Variants in LRRC2 observed in about 807,000 individuals in gnomAD.
LRRC2 encodes leucine rich repeat containing 2.
In LRRC2, 27 loss-of-function variants were observed where a neutral mutation model predicts 40.2. The observed-to-expected ratio is 0.67, with a 90% CI of 0.49 to 0.93. The LOEUF is 0.93. Ranked by LOEUF, LRRC2 falls within the 40% of genes least tolerant of loss-of-function variation. The pLI, the probability that LRRC2 is intolerant of heterozygous loss-of-function variation, is 0.00. For missense variants in LRRC2, 402 were observed against 439.6 expected (o/e 0.91, Z 0.76); for synonymous variants, 147 against 158.9 (o/e 0.92, Z 0.56).
chr3:46,539,924 G>A (rs529678236), intron 3 of LRRC2, among the ~76,000 whole-genome samples: 1 of 152,186 alleles, frequency 6.6e-6, no homozygotes, highest in East Asian at 1.9e-4. Context: ...CATTGCAGGT[G>A]AGGGGTGCTC....
Position 46,522,332 on chromosome 3 carries a change from G to A in LRRC2, c.930-674C>T, listed in dbSNP as rs66627456. On this transcript the variant is annotated intron_variant, in intron 7 of 8. Coordinates refer to ENST00000395905, the MANE Select transcript of LRRC2 (RefSeq NM_024512.5). The stretch of plus-strand genomic sequence containing the variant: ...AGAGGTTGCAGTGAGCTGAAATCCC[G>A]CCATGGCACTCTAGTCTGGGCAACA... Among the ~76,000 whole-genome samples, 9 of 151,138 alleles carry A rather than the reference G, an allele frequency of 6.0e-5. No homozygotes were observed. In the East Asian group the frequency reaches 9.7e-4, roughly 16 times the overall value.
At chr3:46,531,656 G>A (rs1359919706) in intron 5 of LRRC2, among the ~76,000 whole-genome samples, 1 of 152,142 alleles carries the variant, frequency 6.6e-6, no homozygotes, top group Non-Finnish European at 1.5e-5. Context: ...GAAAAGACTG[G>A]GAGATGAGTG....
rs1048870621 is a variant in LRRC2 at position 46,539,063 on chromosome 3, G to A, written c.472C>T (p.His158Tyr). The A allele has an allele frequency of 8.1e-6, 13 of 1,613,734 alleles. No individual in the cohort carries two copies. Among genetic ancestry groups the A allele is most frequent in the Non-Finnish European group, 1.1e-5 (13 of 1,179,924 alleles). ...ILDLPKNQIS[H>Y]LPAEIGCLKN... ...GACATACCGATTTCTGCTGGAAGATGTGAGATTTGGTTTTTTGGCAGATCC... is the reference window on the plus strand; with the variant it reads ...GACATACCGATTTCTGCTGGAAGATATGAGATTTGGTTTTTTGGCAGATCC... The change falls in exon 4 of 9, where the codon CAT becomes TAT. Residue 158 changes from histidine to tyrosine, a missense_variant. By Grantham distance (83) the His-to-Tyr change is moderately conservative (BLOSUM62 2). Transcript: ENST00000395905.
intron 1 of LRRC2, among the ~76,000 whole-genome samples, chr3:46,563,483 C>G (rs996244800): frequency 3.9e-5 from 6 of 152,096 alleles, no homozygotes; most frequent in Admixed American, 2.0e-4. Flanking sequence ...GCACACACTG[C>G]TCCCTCAGCC....
Position 46,521,654 on chromosome 3 carries a change from C to T in LRRC2, c.934G>A (p.Val312Ile). 1 of 1,607,554 alleles carries T rather than the reference C, an allele frequency of 6.2e-7. No homozygotes were observed. Among genetic ancestry groups the T allele is most frequent in the Non-Finnish European group, 8.5e-7 (1 of 1,178,352 alleles). ...TCAATAGGATTGTCCATAAGGCTTA[C>T]AAATCTATTCGAGAAAGCATGGGAA... is the stretch of plus-strand genomic sequence containing the variant. Reference protein sequence around the residue: ...LCDSSTPLKFVSLMDNPIDNA... With the variant: ...LCDSSTPLKFISLMDNPIDNA... Residue 312 changes from valine (V) to isoleucine (I), a missense_variant, in exon 8 of 9, where the codon GTA becomes ATA. Transcript: ENST00000395905.
chr3:46,564,280 A>G (rs1705011782), intron 1 of LRRC2, among the ~76,000 whole-genome samples: 2 of 119,710 alleles, frequency 1.7e-5, no homozygotes, highest in South Asian at 5.5e-4. Context: ...CTCCTCCCCA[A>G]CCCAGTTATA....
In LRRC2 at chr3:46,551,581, T is replaced by G. The variant is rs1704654141; in HGVS notation, c.11A>C (p.Lys4Thr). The change falls in exon 2 of 9, where the codon AAA becomes ACA. Residue 4 changes from lysine (K) to threonine (T), a missense_variant. Lys to Thr is a moderately conservative substitution (Grantham distance 78). Coordinates refer to ENST00000395905, the MANE Select transcript of LRRC2 (RefSeq NM_024512.5). Reference protein sequence around the residue: MGHKVVVFDISVIR... With the variant: MGHTVVVFDISVIR... ...GACAGAAATGTCGAAGACAACCACT[T>G]TATGTCCCATTTTGGGAGCATGAAA... 6.2e-7 allele frequency: 1 copy of G among 1,612,160 alleles called. No homozygotes were observed. Among genetic ancestry groups the G allele is most frequent in the Non-Finnish European group, 8.5e-7 (1 of 1,179,462 alleles).
At chr3:46,528,892 G>A (rs977059495) in intron 6 of LRRC2, among the ~76,000 whole-genome samples, 8 of 152,174 alleles carry the variant, frequency 5.3e-5, no homozygotes, top group African/African-American at 9.6e-5. Flanking sequence ...CAGGAGGATT[G>A]CTTGAGTCCA....
rs1222378622 is a variant in LRRC2, at chr3:46,521,581, T to C, written c.1007A>G (p.Asp336Gly). 3.7e-6 allele frequency: 6 copies of C among 1,613,192 alleles called. No individual in the cohort carries two copies. The South Asian group carries it at 6.6e-5, about 18-fold the overall frequency. Residue 336 changes from aspartate to glycine, a missense_variant, in exon 8 of 9, where the codon GAT becomes GGT. Transcript: ENST00000395905. ...DGNEIMESER[D>G]RQHFDKEVMK... is the part of the protein sequence containing the mutation. ...AACTTCTTTATCAAAATGTTGGCGA[T>C]CCCGTTCACTTTCCATTATTTCATT...
intron 1 of LRRC2, among the ~76,000 whole-genome samples, chr3:46,556,942 A>T (rs1024487195): frequency 2.7e-5 from 4 of 148,840 alleles, no homozygotes; most frequent in Non-Finnish European, 6.0e-5. Flanking sequence ...TGGAATTCTG[A>T]TGACACAAAT....
chr3:46,551,755 T>C (rs1704660186), intron 1 of LRRC2, 145 bp from the exon 2 acceptor site: 1 of 329,450 alleles, frequency 3.0e-6, no homozygotes, highest in Non-Finnish European at 5.5e-6. Context: ...AGTTTGCTTT[T>C]TTTTTTTTTT....
At chr3:46,538,036 CAAG>C (rs1704304361) in intron 4 of LRRC2, among the ~76,000 whole-genome samples, 1 of 152,200 alleles carries the variant, frequency 6.6e-6, no homozygotes, top group Non-Finnish European at 1.5e-5. Context: ...TATGCATCCC[CAAG>C]ATCGGCCTGG....
rs951426215 is a variant in LRRC2 at position 46,531,666 on chromosome 3, G to T, written c.627+1107C>A. Among the ~76,000 whole-genome samples, 4 of 152,272 alleles carry T rather than the reference G, an allele frequency of 2.6e-5. No individual in the cohort carries two copies. In the East Asian group the frequency reaches 7.7e-4, roughly 29 times the overall value. On this transcript the variant is annotated intron_variant, in intron 5 of 8. Transcript: ENST00000395905. Reference sequence around the variant, plus strand: ...AACTGGAAAAGACTGGGAGATGAGTGGATCTGTGCGGGGAACCATGACCCC... The same window carrying T: ...AACTGGAAAAGACTGGGAGATGAGTTGATCTGTGCGGGGAACCATGACCCC...
intron 8 of LRRC2, among the ~76,000 whole-genome samples, chr3:46,520,007 T>C (rs7428292): frequency 0.17 from 25,199 of 151,800 alleles, 3,562 homozygotes; most frequent in African/African-American, 0.36. Flanking sequence ...TATGAATATA[T>C]ACAGAATAAA....
Position 46,515,490 on chromosome 3 carries a change from C to T in LRRC2, c.*3524G>A, listed in dbSNP as rs1703844863. 1 of 152,134 alleles carries T rather than the reference C, an allele frequency of 6.6e-6. No individual in the cohort carries two copies. The highest frequency in any genetic ancestry group is 1.5e-5 in the Non-Finnish European group (1 of 68,022). The allele number at this position is 152,134 out of a possible 1,614,324, so 9.4% of individuals were successfully genotyped here. On this transcript the variant is annotated 3_prime_UTR_variant, in exon 9 of 9. Coordinates refer to ENST00000395905, the MANE Select transcript of LRRC2 (RefSeq NM_024512.5). ...TCCAAATTATGTATCAGTCTATTTG[C>T]ATCATGTCAAATTTTCAAATCTCCA...
intron 3 of LRRC2, among the ~76,000 whole-genome samples, chr3:46,543,618 TTAA>T (rs202012137): frequency 0.01 from 1,103 of 105,070 alleles, 11 homozygotes; most frequent in African/African-American, 0.022. Context: ...TCCATCTCAA[TTAA>T]TAATAATAAT....
At chr3:46,530,930 G>A (rs1704148228) in intron 5 of LRRC2, among the ~76,000 whole-genome samples, 1 of 152,136 alleles carries the variant, frequency 6.6e-6, no homozygotes, top group Non-Finnish European at 1.5e-5. Context: ...GAGTTAGAGT[G>A]ACTATATTAA....
chr3:46,555,957 T>C (rs1469105502), intron 1 of LRRC2, among the ~76,000 whole-genome samples: 14 of 152,236 alleles, frequency 9.2e-5, no homozygotes, highest in Non-Finnish European at 2.1e-4. Context: ...TTGCTGGATA[T>C]AGAATTTGAA....
At chr3:46,548,997 GC>G (rs1273037497) in intron 2 of LRRC2, among the ~76,000 whole-genome samples, 2 of 152,182 alleles carry the variant, frequency 1.3e-5, no homozygotes, top group African/African-American at 4.8e-5. Flanking sequence ...CTGCTGTGTG[GC>G]CCAGTTCCTA....
Sources: allele counts gnomAD v4.1 joint callset (sites outside exome capture counted in the v4.1 genomes callset), GRCh38; gene constraint gnomAD v4.1.1; transcripts MANE v1.5; gene names NCBI Gene and HGNC (gene_info 2026-07-23, HGNC 2026-07-21).